The following RIOK1 variants were observed in gnomAD, a reference collection of about 807,000 sequenced individuals.
The protein encoded by RIOK1 is RIO kinase 1.
A neutral mutation model predicts 73.5 loss-of-function variants in RIOK1; 66 were observed. That is an observed-to-expected ratio of 0.90 (90% CI 0.74 to 1.10). The LOEUF (loss-of-function observed/expected upper bound fraction) is 1.10, where lower values mean the gene tolerates loss of function less well. Ranked by LOEUF, RIOK1 falls within the 50% of genes least tolerant of loss-of-function variation. The pLI is 0.00. For synonymous variants in RIOK1, 224 were observed against 226.8 expected (o/e 0.99, Z 0.11); for missense variants, 658 against 699.8 (o/e 0.94, Z 0.67).
At chr6:7,417,151 T>C (rs995915780) in intron 16 of RIOK1, among the ~76,000 whole-genome samples, 180 bp from the exon 17 acceptor site, 2 of 151,610 alleles carry the variant, frequency 1.3e-5, no homozygotes, top group African/African-American at 4.9e-5. Context: ...CCCAGGAGGC[T>C]GAGGTGGGAG....
At position 7,417,402 on chromosome 6, in the gene RIOK1, A is replaced by G. The variant is rs1581726912; in HGVS notation, c.1668A>G (p.Lys556=). 1.3e-6 allele frequency: 2 copies of G among 1,569,124 alleles called. No homozygotes were observed. The highest frequency in any genetic ancestry group is 4.5e-5 in the East Asian group (2 of 44,160). Reference sequence around the variant, plus strand: ...ACAAAATTCCTAAACATGTGAAAAAAAGAAAGGAGAAGACAGCCAAGACGA... The same window carrying G: ...ACAAAATTCCTAAACATGTGAAAAAGAGAAAGGAGAAGACAGCCAAGACGA... The part of the protein sequence containing the change: ...RKNKIPKHVK[K]RKEKTAKTKK... Residue 556 remains lysine (K), a synonymous_variant, in exon 17 of 17, where the codon AAA becomes AAG. Transcript: ENST00000379834.
chr6:7,409,213 TTGTGTGTGTGTG>T (rs58234662), intron 12 of RIOK1, among the ~76,000 whole-genome samples: 1,312 of 88,236 alleles, frequency 0.015, 25 homozygotes, highest in African/African-American at 0.037. Flanking sequence ...TCCCGACTAA[TTGTGTGTGTGTG>T]TGTGTGTGTG....
At position 7,417,423 on chromosome 6, in the gene RIOK1, G is replaced by T. The variant is rs1332797962; in HGVS notation, c.1689G>T (p.Lys563Asn). ...HVKKRKEKTA[K>N]TKKGK Reference sequence around the variant, plus strand: ...AAAAAAGAAAGGAGAAGACAGCCAAGACGAAAAAAGGCAAATAGAATGAGA... The same window carrying T: ...AAAAAAGAAAGGAGAAGACAGCCAATACGAAAAAAGGCAAATAGAATGAGA... The change falls in exon 17 of 17, where the codon AAG becomes AAT. Residue 563 changes from lysine to asparagine, a missense_variant. By Grantham distance (94) the Lys-to-Asn change is moderately conservative (BLOSUM62 0). Transcript: ENST00000379834. 1.3e-6 allele frequency: 2 copies of T among 1,550,290 alleles called. No individual in the cohort carries two copies. Among genetic ancestry groups the T allele is most frequent in the South Asian group, 1.2e-5 (1 of 81,326 alleles).
At chr6:7,391,307 C>G (rs1053118329) in intron 1 of RIOK1, among the ~76,000 whole-genome samples, 1 of 151,934 alleles carries the variant, frequency 6.6e-6, no homozygotes, top group Non-Finnish European at 1.5e-5. Context: ...CAGGGGAAAC[C>G]GATATTATTA....
At chr6:7,396,058 T>C (rs2113501888) in intron 3 of RIOK1, among the ~76,000 whole-genome samples, 1 of 152,322 alleles carries the variant, frequency 6.6e-6, no homozygotes, top group South Asian at 2.1e-4. Context: ...TTGAAAATAC[T>C]AGAGTATTGA....
rs756354160 is a variant in RIOK1, at chr6:7,398,722, CAG to C, written c.465_466del (p.Arg155SerfsTer21). The C allele has an allele frequency of 6.5e-5, 105 of 1,612,550 alleles. No homozygotes were observed. Among genetic ancestry groups the C allele is most frequent in the Non-Finnish European group, 8.3e-5 (98 of 1,179,064 alleles). On this transcript the variant is annotated frameshift_variant, in exon 5 of 17. Coordinates refer to ENST00000379834, the MANE Select transcript of RIOK1 (RefSeq NM_031480.3). LOFTEE classifies it high-confidence loss of function. ...DMYRIKDKAD[R>X]ATVEQVLDPR... ...GGTATCGCATCAAAGATAAGGCAGA[CAG>C]AGCAACTGTAGAACAGGTACAATTT...
intron 4 of RIOK1, 123 bp downstream of exon 4, chr6:7,396,895 GT>G: frequency 2.0e-6 from 1 of 496,436 alleles, no homozygotes; most frequent in East Asian, 3.2e-5. Flanking sequence ...TTATTTTGGT[GT>G]GTGTGTGTGT....
At chr6:7,403,012 T>A (rs769336569) in intron 8 of RIOK1, 115 bp downstream of exon 8, 81 of 759,842 alleles carry the variant, frequency 1.1e-4, no homozygotes, top group Admixed American at 3.6e-4. Flanking sequence ...GTTAGGGCCT[T>A]TATTTCTATT....
rs747397608 is a variant in RIOK1, at chr6:7,396,413, C to T, written c.368-290C>T. ...AGTCATGTGGAGTACTAGCAAGTGT[C>T]TGAAATTTATTATGCAAATTATTAT... On this transcript the variant is annotated intron_variant, in intron 3 of 16. Coordinates refer to ENST00000379834, the MANE Select transcript of RIOK1 (RefSeq NM_031480.3). Among the ~76,000 whole-genome samples, 2 of 152,208 alleles carry T rather than the reference C, an allele frequency of 1.3e-5. 1 individual carries two copies. Among genetic ancestry groups the T allele is most frequent in the Non-Finnish European group, 2.9e-5 (2 of 68,042 alleles).
intron 12 of RIOK1, among the ~76,000 whole-genome samples, chr6:7,406,970 C>T (rs1416006871): frequency 1.3e-5 from 2 of 152,180 alleles, no homozygotes; most frequent in African/African-American, 2.4e-5. Context: ...CCTAGGATTT[C>T]TTCTTTTAAG....
intron 16 of RIOK1, among the ~76,000 whole-genome samples, chr6:7,416,888 C>A (rs1375188717): frequency 6.6e-6 from 1 of 152,128 alleles, no homozygotes; most frequent in African/African-American, 2.4e-5. Flanking sequence ...ATTTTCTTTT[C>A]TTTTCTTTAC....
chr6:7,407,754 A>G (rs991342853), intron 12 of RIOK1, among the ~76,000 whole-genome samples: 1 of 151,862 alleles, frequency 6.6e-6, no homozygotes, highest in African/African-American at 2.4e-5. Context: ...TCGGCCTCTC[A>G]AAGTTCTGGG....
intron 12 of RIOK1, 114 bp from the exon 13 acceptor site, chr6:7,410,272 G>A: frequency 1.4e-6 from 1 of 699,180 alleles, no homozygotes. Context: ...GCTTTCCTAA[G>A]TGTGAGGAGG....
chr6:7,392,901 G>C, intron 1 of RIOK1, 198 bp from the exon 2 acceptor site: 1 of 984,694 alleles, frequency 1.0e-6, no homozygotes, highest in Non-Finnish European at 1.2e-6. Context: ...CATGGAGAAT[G>C]AGCAAACAAC....
chr6:7,403,950 A>C lies in RIOK1; in HGVS notation c.777A>C (p.Thr259=). Reference sequence around the variant, plus strand: ...TGTTATAATATCACAGGCTAAACACAGCAGAGATACCATGTCCAGAACCAA... The same window carrying C: ...TGTTATAATATCACAGGCTAAACACCGCAGAGATACCATGTCCAGAACCAA... The part of the protein sequence containing the change: ...KEMRNLIRLN[T]AEIPCPEPIM... Residue 259 remains threonine (T), a synonymous_variant, in exon 9 of 17, where the codon ACA becomes ACC. Transcript: ENST00000379834. 6.2e-7 allele frequency: 1 copy of C among 1,610,908 alleles called. No individual in the cohort carries two copies. Among genetic ancestry groups the C allele is most frequent in the Non-Finnish European group, 8.5e-7 (1 of 1,177,764 alleles).
intron 4 of RIOK1, among the ~76,000 whole-genome samples, chr6:7,397,536 G>C (rs996139401): frequency 2.0e-5 from 3 of 152,158 alleles, no homozygotes; most frequent in African/African-American, 7.2e-5. Context: ...AATTGTTTAA[G>C]ATCTGAATAA....
chr6:7,399,063 G>A (rs1761547941), intron 5 of RIOK1, among the ~76,000 whole-genome samples: 1 of 152,204 alleles, frequency 6.6e-6, no homozygotes. Flanking sequence ...GATAGGTAGG[G>A]TATCTGCCAC....
Position 7,417,396 on chromosome 6 carries a change from G to GA in RIOK1, c.1669dup (p.Arg557LysfsTer15). 4 of 1,566,146 alleles carry GA rather than the reference G, an allele frequency of 2.6e-6. No individual in the cohort carries two copies. The highest frequency in any genetic ancestry group is 1.9e-5 in the Admixed American group (1 of 51,958). The stretch of plus-strand genomic sequence containing the variant: ...GAAAAAACAAAATTCCTAAACATGT[G>GA]AAAAAAAGAAAGGAGAAGACAGCCA... On this transcript the variant is annotated frameshift_variant, in exon 17 of 17. Transcript: ENST00000379834. LOFTEE classifies it high-confidence loss of function.
At chr6:7,417,194 T>G (rs552334338) in intron 16 of RIOK1, 137 bp from the exon 17 acceptor site, 25 of 513,886 alleles carry the variant, frequency 4.9e-5, no homozygotes, top group East Asian at 4.8e-4. Context: ...GAGGCTGAAG[T>G]GAACCATGGT....
Sources: allele counts gnomAD v4.1 joint callset (sites outside exome capture counted in the v4.1 genomes callset), GRCh38; gene constraint gnomAD v4.1.1; transcripts MANE v1.5; gene names NCBI Gene and HGNC (gene_info 2026-07-23, HGNC 2026-07-21).